The following MBD5 variants were observed in gnomAD, a reference collection of about 807,000 sequenced individuals.
The protein encoded by MBD5 is methyl-CpG binding domain protein 5.
In MBD5, 13 loss-of-function variants were observed where a neutral mutation model predicts 117.3. The ratio of observed to expected loss-of-function variants is 0.11; its 90% CI spans 0.07 to 0.18. The LOEUF (loss-of-function observed/expected upper bound fraction) is 0.18, where lower values mean the gene tolerates loss of function less well. Ranked by LOEUF, MBD5 falls within the 10% of genes least tolerant of loss-of-function variation. The pLI is 1.00. For missense variants in MBD5, 1,879 were observed against 2,093.8 expected (o/e 0.90, Z 2.00); for synonymous variants, 727 against 766.4 (o/e 0.95, Z 0.85).
chr2:148,298,831 A>G (rs1451166855), intron 3 of MBD5, among the ~76,000 whole-genome samples: 1 of 152,218 alleles, frequency 6.6e-6, no homozygotes, highest in Non-Finnish European at 1.5e-5. Flanking sequence ...ACATGTACGA[A>G]TAGGCACAAC....
At chr2:148,159,714 A>G (rs1697961229) in intron 1 of MBD5, among the ~76,000 whole-genome samples, 1 of 152,194 alleles carries the variant, frequency 6.6e-6, no homozygotes, top group African/African-American at 2.4e-5. Flanking sequence ...CTCAAAACTC[A>G]TAATGCCTCT....
intron 3 of MBD5, chr2:148,264,296 G>A (rs969482245): frequency 2.4e-5 from 3 of 126,006 alleles, no homozygotes; most frequent in East Asian, 2.4e-4. Flanking sequence ...GTGAGACCTC[G>A]TCGAAGAAGA....
intron 3 of MBD5, among the ~76,000 whole-genome samples, chr2:148,326,830 A>C (rs531685550): frequency 0.01 from 1,529 of 150,878 alleles, 13 homozygotes; most frequent in African/African-American, 0.034. Flanking sequence ...CATTTAGTCC[A>C]TTTACATTTA....
chr2:148,433,610 T>A (rs191898599), intron 4 of MBD5, among the ~76,000 whole-genome samples: 7 of 152,318 alleles, frequency 4.6e-5, no homozygotes, highest in Admixed American at 1.3e-4. Flanking sequence ...GAGATGATCA[T>A]GTAATTTTTG....
chr2:148,292,104 T>C (rs1016300828), intron 3 of MBD5, among the ~76,000 whole-genome samples: 4 of 152,204 alleles, frequency 2.6e-5, no homozygotes, highest in African/African-American at 7.2e-5. Context: ...CCTCAAACTA[T>C]GAAATTACTA....
At chr2:148,137,410 T>C (rs116286495) in intron 1 of MBD5, among the ~76,000 whole-genome samples, 254 of 152,304 alleles carry the variant, frequency 1.7e-3, no homozygotes, top group African/African-American at 5.9e-3. Context: ...TCTGTTCCTT[T>C]TCTGGTTTCT....
At chr2:148,511,328 T>C (rs1462023155) in intron 13 of MBD5, among the ~76,000 whole-genome samples, 1 of 152,174 alleles carries the variant, frequency 6.6e-6, no homozygotes, top group Non-Finnish European at 1.5e-5. Context: ...GAACATAGAA[T>C]GTGCCTGCCC....
chr2:148,321,883 C>CA (rs1280094499), intron 3 of MBD5, among the ~76,000 whole-genome samples: 3 of 152,144 alleles, frequency 2.0e-5, no homozygotes, highest in African/African-American at 7.2e-5. Flanking sequence ...CTGCCACCCC[C>CA]AGCCTTAATT....
At chr2:148,071,458 T>G (rs928032913) in intron 1 of MBD5, 2 of 152,170 alleles carry the variant, frequency 1.3e-5, no homozygotes, top group African/African-American at 2.4e-5. Flanking sequence ...AAATAACTAC[T>G]ATTTTTATCC....
At chr2:148,218,312 A>G (rs935188413) in intron 2 of MBD5, among the ~76,000 whole-genome samples, 1 of 151,580 alleles carries the variant, frequency 6.6e-6, no homozygotes, top group South Asian at 2.1e-4. Context: ...TACCTGAGAC[A>G]TTTTTTTTTC....
At chr2:148,208,532 C>T (rs754043707) in intron 2 of MBD5, among the ~76,000 whole-genome samples, 3 of 152,196 alleles carry the variant, frequency 2.0e-5, no homozygotes, top group Non-Finnish European at 2.9e-5. Context: ...GCTGAGATTA[C>T]AGGTGTGAAC....
At chr2:148,267,956 T>TC (rs1180407452) in intron 3 of MBD5, among the ~76,000 whole-genome samples, 62 of 149,794 alleles carry the variant, frequency 4.1e-4, no homozygotes, top group African/African-American at 1.5e-3. Context: ...TTTTTTCTTT[T>TC]TTTTTTTTTT....
chr2:148,287,474 T>G lies in MBD5; in HGVS notation c.-680+54079T>G, dbSNP rs1037167897. On this transcript the variant is annotated intron_variant, in intron 3 of 13. Transcript: ENST00000642680. ...TGTATCAGTCAGTTTTTTATGCTGA[T>G]AGAACTTTTGATTCGGTAATGAATA... Among the ~76,000 whole-genome samples the G allele has an allele frequency of 1.3e-5, 2 of 152,212 alleles. 1 individual carries two copies. Among genetic ancestry groups the G allele is most frequent in the African/African-American group, 4.8e-5 (2 of 41,446 alleles).
chr2:148,129,958 T>C (rs941678723), intron 1 of MBD5, among the ~76,000 whole-genome samples: 33 of 152,206 alleles, frequency 2.2e-4, no homozygotes, highest in African/African-American at 8.0e-4. Flanking sequence ...ATCAAAATGT[T>C]TGAATTAATA....
chr2:148,510,794 A>G (rs1682192469), intron 13 of MBD5, among the ~76,000 whole-genome samples: 1 of 152,266 alleles, frequency 6.6e-6, no homozygotes, highest in Non-Finnish European at 1.5e-5. Flanking sequence ...TATAGGTTTT[A>G]GAGATTTTGT....
intron 3 of MBD5, among the ~76,000 whole-genome samples, chr2:148,324,650 T>C (rs1489134190): frequency 6.6e-6 from 1 of 152,058 alleles, no homozygotes; most frequent in Admixed American, 6.5e-5. Flanking sequence ...GTTGTTGGTG[T>C]ATAAGAATGC....
chr2:148,189,292 C>T (rs1426197757), intron 2 of MBD5, among the ~76,000 whole-genome samples: 1 of 150,504 alleles, frequency 6.6e-6, no homozygotes, highest in Non-Finnish European at 1.5e-5. Flanking sequence ...GTAGGCTCCA[C>T]CTCTGGGGGC....
intron 3 of MBD5, among the ~76,000 whole-genome samples, chr2:148,302,674 A>G (rs896263388): frequency 6.6e-6 from 1 of 151,836 alleles, no homozygotes; most frequent in African/African-American, 2.4e-5. Flanking sequence ...TTACTCTGTC[A>G]CCCAAACTAG....
At chr2:148,150,459 T>C (rs1324422208) in intron 1 of MBD5, among the ~76,000 whole-genome samples, 1 of 152,190 alleles carries the variant, frequency 6.6e-6, no homozygotes, top group African/African-American at 2.4e-5. Flanking sequence ...TTAAAGTATT[T>C]TTTTCCAATT....
Sources: allele counts gnomAD v4.1 joint callset (sites outside exome capture counted in the v4.1 genomes callset), GRCh38; gene constraint gnomAD v4.1.1; transcripts MANE v1.5; gene names NCBI Gene and HGNC (gene_info 2026-07-23, HGNC 2026-07-21).